RIMS4: variants seen among roughly 807,000 people sequenced by gnomAD.
The protein encoded by RIMS4 is regulating synaptic membrane exocytosis 4, also known as regulating synaptic membrane exocytosis protein 4.
In RIMS4, 9 loss-of-function variants were observed where a neutral mutation model predicts 29.0. The observed-to-expected ratio is 0.31, with a 90% CI of 0.19 to 0.54. The LOEUF (loss-of-function observed/expected upper bound fraction) is 0.54, where lower values mean the gene tolerates loss of function less well. RIMS4 is among the 20% of genes least tolerant of loss of function. RIMS4 has a pLI of 0.94. For synonymous variants in RIMS4, 130 were observed against 152.9 expected (o/e 0.85, Z 1.10); for missense variants, 193 against 365.7 (o/e 0.53, Z 3.85).
intron 1 of RIMS4, among the ~76,000 whole-genome samples, chr20:44,784,787 C>T (rs1183194791): frequency 1.3e-5 from 2 of 152,230 alleles, no homozygotes; most frequent in African/African-American, 4.8e-5. Context: ...GGCTAAGGCA[C>T]CTCCCTTGGT....
At chr20:44,759,482 C>G (rs1438227499) in intron 2 of RIMS4, among the ~76,000 whole-genome samples, 2 of 152,192 alleles carry the variant, frequency 1.3e-5, no homozygotes, top group Non-Finnish European at 2.9e-5. Flanking sequence ...TGGTCTCCAA[C>G]CCCTGGCCTC....
At chr20:44,768,377 C>A (rs2145451456) in intron 2 of RIMS4, among the ~76,000 whole-genome samples, 1 of 152,346 alleles carries the variant, frequency 6.6e-6, no homozygotes, top group Non-Finnish European at 1.5e-5. Context: ...CCAGGGGCTG[C>A]AGCCTTGCGG....
chr20:44,802,750 G>A (rs563076061), intron 1 of RIMS4, among the ~76,000 whole-genome samples: 18 of 152,182 alleles, frequency 1.2e-4, no homozygotes, highest in African/African-American at 3.9e-4. Context: ...TTCCTTCTTC[G>A]GACCTCAGTT....
At position 44,810,519 on chromosome 20, in the gene RIMS4, CGGCGGCGGT is replaced by C. The variant is rs1302057945; in HGVS notation, c.-257_-249del. ...GCGGCGGCGGCGGCGGCGGCGGTGGCGGCGGCGGTGGCGGCGCAGCGCGCTCTGGTCCGC... is the reference window on the plus strand; with the variant it reads ...GCGGCGGCGGCGGCGGCGGCGGTGGCGGCGGCGCAGCGCGCTCTGGTCCGC... On this transcript the variant is annotated 5_prime_UTR_variant, in exon 1 of 6. Coordinates refer to ENST00000372851, the MANE Select transcript of RIMS4 (RefSeq NM_182970.4). 7.0e-6 allele frequency among the ~76,000 whole-genome samples: 1 copy of C among 142,378 alleles called. No homozygotes were observed. The highest frequency in any genetic ancestry group is 2.5e-5 in the African/African-American group (1 of 39,816). 93.4% of individuals were successfully genotyped at this position (142,378 alleles called of 152,430 possible).
chr20:44,781,444 T>C (rs2066184284), intron 1 of RIMS4, among the ~76,000 whole-genome samples: 1 of 152,198 alleles, frequency 6.6e-6, no homozygotes, highest in Non-Finnish European at 1.5e-5. Context: ...TTATACTTGA[T>C]TGCAAATAAA....
rs182660462 is a variant in RIMS4 at position 44,764,884 on chromosome 20, C to T, written c.236+6391G>A. On this transcript the variant is annotated intron_variant, in intron 2 of 5. Coordinates refer to ENST00000372851, the MANE Select transcript of RIMS4 (RefSeq NM_182970.4). ...ATACCATATCATACAATCCTGACCC[C>T]GACTTCTCAACCATTCAAGGTATTT... 2.2e-3 allele frequency among the ~76,000 whole-genome samples: 336 copies of T among 152,272 alleles called. 2 individuals carry two copies. The highest frequency in any genetic ancestry group is 7.7e-3 in the African/African-American group (320 of 41,546).
intron 1 of RIMS4, among the ~76,000 whole-genome samples, chr20:44,789,468 T>C (rs1030750302): frequency 1.3e-5 from 2 of 152,086 alleles, no homozygotes; most frequent in Admixed American, 6.6e-5. Context: ...GGCTAATTTT[T>C]TGTATTTTTA....
At chr20:44,796,903 C>G (rs987649799) in intron 1 of RIMS4, among the ~76,000 whole-genome samples, 1 of 152,198 alleles carries the variant, frequency 6.6e-6, no homozygotes, top group Admixed American at 6.5e-5. Context: ...GTACATTCTC[C>G]AAATAGTCAA....
intron 1 of RIMS4, among the ~76,000 whole-genome samples, chr20:44,790,328 A>C (rs2066227525): frequency 6.6e-6 from 1 of 152,202 alleles, no homozygotes; most frequent in Admixed American, 6.5e-5. Flanking sequence ...CCCAATAATA[A>C]TGAAGGCATG....
rs905848516 is a variant in RIMS4 at position 44,810,545 on chromosome 20, C to G, written c.-274G>C. ...GGCGGCGGTGGCGGCGCAGCGCGCTCTGGTCCGCGGCGCCCCCCGCCGGCA... is the reference window on the plus strand; with the variant it reads ...GGCGGCGGTGGCGGCGCAGCGCGCTGTGGTCCGCGGCGCCCCCCGCCGGCA... On this transcript the variant is annotated 5_prime_UTR_variant, in exon 1 of 6. Transcript: ENST00000372851. Among the ~76,000 whole-genome samples the G allele has an allele frequency of 1.4e-4, 20 of 144,054 alleles. No homozygotes were observed. The South Asian group carries it at 2.8e-3, about 20-fold the overall frequency. 94.5% of individuals were successfully genotyped at this position (144,054 alleles called of 152,430 possible).
intron 2 of RIMS4, among the ~76,000 whole-genome samples, chr20:44,767,573 A>G (rs1078342): frequency 0.46 from 70,219 of 152,016 alleles, 17,537 homozygotes; most frequent in African/African-American, 0.65. Flanking sequence ...CAAAAAACTT[A>G]ATAAATGCAA....
At chr20:44,786,488 T>C (rs2066209238) in intron 1 of RIMS4, among the ~76,000 whole-genome samples, 1 of 152,222 alleles carries the variant, frequency 6.6e-6, no homozygotes, top group African/African-American at 2.4e-5. Flanking sequence ...CATTTACATA[T>C]ATGTGCCAGC....
At chr20:44,792,965 C>T (rs917917195) in intron 1 of RIMS4, among the ~76,000 whole-genome samples, 1 of 152,126 alleles carries the variant, frequency 6.6e-6, no homozygotes, top group African/African-American at 2.4e-5. Context: ...CTTACCCAGC[C>T]GTGCACCCTG....
chr20:44,788,457 T>G lies in RIMS4; in HGVS notation c.98-17044A>C, dbSNP rs779620525. ...GGGGCTACTAGAAATTAGATTTGCT[T>G]GATAAATGAAGTTGACCATGAAGAG... is the stretch of plus-strand genomic sequence containing the variant. On this transcript the variant is annotated intron_variant, in intron 1 of 5. Coordinates refer to ENST00000372851, the MANE Select transcript of RIMS4 (RefSeq NM_182970.4). 9.9e-5 allele frequency among the ~76,000 whole-genome samples: 15 copies of G among 152,160 alleles called. 1 individual carries two copies. Among genetic ancestry groups the G allele is most frequent in the African/African-American group, 2.9e-4 (12 of 41,422 alleles).
intron 2 of RIMS4, 31 bp downstream of exon 2, chr20:44,771,244 G>A (rs1568897782): frequency 6.3e-7 from 1 of 1,589,704 alleles, no homozygotes; most frequent in Non-Finnish European, 8.6e-7. Flanking sequence ...AAGACTGCAA[G>A]AACCAGGAGG....
chr20:44,759,942 C>A (rs2066077074), intron 2 of RIMS4, among the ~76,000 whole-genome samples: 1 of 152,240 alleles, frequency 6.6e-6, no homozygotes, highest in South Asian at 2.1e-4. Context: ...CTACCCCTGG[C>A]TTGCTTTCCC....
intron 1 of RIMS4, among the ~76,000 whole-genome samples, chr20:44,797,824 G>A (rs1238087661): frequency 2.0e-5 from 3 of 152,160 alleles, no homozygotes; most frequent in African/African-American, 7.2e-5. Context: ...CTTGCCATGT[G>A]TCTTTGATAT....
chr20:44,787,465 A>T (rs2066213934), intron 1 of RIMS4, among the ~76,000 whole-genome samples: 2 of 152,222 alleles, frequency 1.3e-5, no homozygotes, highest in Admixed American at 6.5e-5. Flanking sequence ...TTTTATAGAT[A>T]GGGAAGCTGA....
rs1295341616 is a variant in RIMS4, at chr20:44,756,562, C to T, written c.592-210G>A. On this transcript the variant is annotated intron_variant, in intron 5 of 5. Coordinates refer to ENST00000372851, the MANE Select transcript of RIMS4 (RefSeq NM_182970.4). This position sits in a 1 kb window ranked among gnomAD's most constrained non-coding sequence, Gnocchi z 5.9. ...CTGTTGATGGTAATGGTGACGGTGA[C>T]GATGGTAATGGGTAGAACACTTGCT... Among the ~76,000 whole-genome samples the T allele has an allele frequency of 6.6e-6, 1 of 152,138 alleles. No homozygotes were observed. The highest frequency in any genetic ancestry group is 1.5e-5 in the Non-Finnish European group (1 of 68,026).
Sources: gnomAD v4.1 joint callset for allele counts (sites outside exome capture counted in the v4.1 genomes callset) on GRCh38, gnomAD v4.1.1 for gene constraint, Gnocchi (gnomAD v3.1) non-coding constraint, MANE v1.5 for transcripts, NCBI Gene and HGNC (gene_info 2026-07-23, HGNC 2026-07-21) for gene names.